GPC5: variants seen among roughly 807,000 people sequenced by gnomAD.
GPC5 encodes glypican 5.
Under a neutral mutation model 53.9 loss-of-function variants are expected in GPC5, and 47 were observed. The observed-to-expected ratio is 0.87, with a 90% CI of 0.69 to 1.11. GPC5 has a LOEUF of 1.11. GPC5 is among the 50% of genes most tolerant of loss of function. The pLI is 0.00. For missense variants in GPC5, 748 were observed against 713.1 expected (o/e 1.05, Z -0.56); for synonymous variants, 286 against 263.3 (o/e 1.09, Z -0.84).
chr13:92,369,728 T>C (rs1289217709), intron 7 of GPC5, among the ~76,000 whole-genome samples: 3 of 152,238 alleles, frequency 2.0e-5, no homozygotes, highest in Non-Finnish European at 4.4e-5. Flanking sequence ...TACTGCCTAA[T>C]CACACACCAT....
At chr13:91,439,364 T>C (rs1195398994) in intron 1 of GPC5, among the ~76,000 whole-genome samples, 3 of 152,208 alleles carry the variant, frequency 2.0e-5, no homozygotes, top group Admixed American at 1.3e-4. Flanking sequence ...GCCCCAAGTA[T>C]AAATAGTGCT....
At chr13:92,403,385 G>T (rs1157318858) in intron 7 of GPC5, among the ~76,000 whole-genome samples, 1 of 152,208 alleles carries the variant, frequency 6.6e-6, no homozygotes, top group Admixed American at 6.5e-5. Flanking sequence ...TGGCCTGTTA[G>T]GAACTGGTCC....
chr13:92,719,172 C>G (rs1174124450), intron 7 of GPC5, among the ~76,000 whole-genome samples: 2 of 150,114 alleles, frequency 1.3e-5, no homozygotes, highest in East Asian at 4.2e-4. Context: ...CTATAGCCCC[C>G]CCCCACATAA....
chr13:92,632,543 T>A (rs1885282539), intron 7 of GPC5, among the ~76,000 whole-genome samples: 1 of 150,212 alleles, frequency 6.7e-6, no homozygotes, highest in African/African-American at 2.4e-5. Context: ...ACCTGTATAG[T>A]TTATATATTC....
chr13:91,718,175 A>T (rs2036384308), intron 3 of GPC5, among the ~76,000 whole-genome samples: 1 of 151,422 alleles, frequency 6.6e-6, no homozygotes, highest in Non-Finnish European at 1.5e-5. Flanking sequence ...CAGTGGCGCG[A>T]TCTCGGCTCG....
At chr13:92,775,746 G>A (rs1272985390) in intron 7 of GPC5, among the ~76,000 whole-genome samples, 1 of 152,076 alleles carries the variant, frequency 6.6e-6, no homozygotes, top group Non-Finnish European at 1.5e-5. Flanking sequence ...ATATCTATAA[G>A]AGTTCAGTTC....
chr13:91,541,909 T>C (rs1160845793), intron 2 of GPC5, among the ~76,000 whole-genome samples: 2 of 151,688 alleles, frequency 1.3e-5, no homozygotes, highest in Non-Finnish European at 2.9e-5. Context: ...TGGTGGAGTC[T>C]GAAATAAATT....
intron 7 of GPC5, among the ~76,000 whole-genome samples, chr13:92,186,768 T>G (rs2042186895): frequency 6.6e-6 from 1 of 152,154 alleles, no homozygotes; most frequent in African/African-American, 2.4e-5. Context: ...GGCATGACGA[T>G]CAGATGAAGA....
chr13:91,398,891 A>G lies in GPC5; in HGVS notation c.-156A>G, dbSNP rs1182964694. The G allele has an allele frequency of 1.2e-6, 1 of 839,956 alleles. No individual in the cohort carries two copies. The highest frequency in any genetic ancestry group is 1.9e-5 in the South Asian group (1 of 52,130). 52.0% of individuals were successfully genotyped at this position (839,956 alleles called of 1,614,324 possible). A position where few individuals can be genotyped will look rare whatever the true frequency, so the allele number is the denominator to read the frequency against. On this transcript the variant is annotated 5_prime_UTR_variant, in exon 1 of 8. Coordinates refer to ENST00000377067, the MANE Select transcript of GPC5 (RefSeq NM_004466.6). ...CCTCCGGGAAGAGCTAACTGCTCCC[A>G]GGTGAAGCCGGTGCCCGCGGGCGGT... is the stretch of plus-strand genomic sequence containing the variant.
At chr13:92,047,447 T>TG (rs1367328399) in intron 6 of GPC5, among the ~76,000 whole-genome samples, 10 of 151,306 alleles carry the variant, frequency 6.6e-5, no homozygotes, top group Non-Finnish European at 1.2e-4. Flanking sequence ...TATATATTTT[T>TG]TTTTCCTTAT....
chr13:92,358,484 G>A (rs1379712289), intron 7 of GPC5, among the ~76,000 whole-genome samples: 3 of 151,638 alleles, frequency 2.0e-5, no homozygotes, highest in Non-Finnish European at 4.4e-5. Context: ...GTGGGGACTC[G>A]GCATGGTGGC....
intron 7 of GPC5, among the ~76,000 whole-genome samples, chr13:92,836,262 T>G (rs1878216605): frequency 6.6e-6 from 1 of 152,082 alleles, no homozygotes; most frequent in African/African-American, 2.4e-5. Flanking sequence ...TCTTCAAAAT[T>G]TTCTTGCAGG....
chr13:91,451,551 G>C (rs1881175722), intron 2 of GPC5, among the ~76,000 whole-genome samples: 1 of 151,978 alleles, frequency 6.6e-6, no homozygotes, highest in South Asian at 2.1e-4. Flanking sequence ...ACTGGGCTCT[G>C]TAGTCCACTG....
At chr13:92,281,316 T>C (rs1030978064) in intron 7 of GPC5, among the ~76,000 whole-genome samples, 1 of 152,166 alleles carries the variant, frequency 6.6e-6, no homozygotes, top group Non-Finnish European at 1.5e-5. Context: ...ACTCCACCTC[T>C]GGGGGCAGGG....
At chr13:92,025,559 G>A (rs2040794630) in intron 6 of GPC5, among the ~76,000 whole-genome samples, 3 of 152,160 alleles carry the variant, frequency 2.0e-5, no homozygotes, top group African/African-American at 7.2e-5. Context: ...CTGGCTTGCT[G>A]CAGGTCATGT....
intron 7 of GPC5, among the ~76,000 whole-genome samples, chr13:92,252,468 T>C (rs2042699127): frequency 6.6e-6 from 1 of 152,102 alleles, no homozygotes; most frequent in Non-Finnish European, 1.5e-5. Context: ...AAAAATACTT[T>C]TTTATTTTTT....
At chr13:91,750,795 T>C (rs1400158039) in intron 4 of GPC5, among the ~76,000 whole-genome samples, 1 of 150,100 alleles carries the variant, frequency 6.7e-6, no homozygotes, top group Non-Finnish European at 1.5e-5. Context: ...CCCGAGTAGC[T>C]GGGATTACAG....
At chr13:91,815,709 A>G (rs561211580) in intron 5 of GPC5, among the ~76,000 whole-genome samples, 1 of 152,280 alleles carries the variant, frequency 6.6e-6, no homozygotes, top group South Asian at 2.1e-4. Flanking sequence ...TTTCTCACTT[A>G]AGACTAAAAC....
At chr13:92,708,855 G>GC (rs1888035044) in intron 7 of GPC5, among the ~76,000 whole-genome samples, 2 of 77,952 alleles carry the variant, frequency 2.6e-5, no homozygotes, top group African/African-American at 8.5e-5. Context: ...GCTGGAAACC[G>GC]CCTTTTTTTT....
Sources: gnomAD v4.1 joint callset for allele counts (sites outside exome capture counted in the v4.1 genomes callset) on GRCh38, gnomAD v4.1.1 for gene constraint, MANE v1.5 for transcripts, NCBI Gene and HGNC (gene_info 2026-07-23, HGNC 2026-07-21) for gene names.